DYSF: variants seen among roughly 807,000 people sequenced by gnomAD.
DYSF encodes the protein dysferlin.
A neutral mutation model predicts 274.9 loss-of-function variants in DYSF; 212 were observed. The ratio of observed to expected loss-of-function variants is 0.77; its 90% CI spans 0.69 to 0.86. The LOEUF (loss-of-function observed/expected upper bound fraction) is 0.86, where lower values mean the gene tolerates loss of function less well. Among genes scored for constraint, DYSF ranks in the 40% least tolerant of loss-of-function variants. The pLI, the probability that DYSF is intolerant of heterozygous loss-of-function variation, is 0.00. For missense variants in DYSF, 2,666 were observed against 2,783.2 expected (o/e 0.96, Z 0.95); for synonymous variants, 1,091 against 1,078.7 (o/e 1.01, Z -0.22).
intron 10 of DYSF, among the ~76,000 whole-genome samples, chr2:71,518,718 T>C (rs2086914898): frequency 6.6e-6 from 1 of 152,200 alleles, no homozygotes; most frequent in African/African-American, 2.4e-5. Context: ...TAAATTTGTA[T>C]TTTAAATATG....
chr2:71,465,655 G>A (rs1400860398), upstream of DYSF, among the ~76,000 whole-genome samples: 2 of 152,170 alleles, frequency 1.3e-5, no homozygotes, highest in Non-Finnish European at 2.9e-5. Flanking sequence ...ATAAGAGAGG[G>A]GAAAGGGAGT....
At chr2:71,563,490 G>A (rs1309518330) in intron 23 of DYSF, among the ~76,000 whole-genome samples, 1 of 152,164 alleles carries the variant, frequency 6.6e-6, no homozygotes, top group Non-Finnish European at 1.5e-5. Flanking sequence ...TGCTGGAGGG[G>A]CTTAGGGGCC....
In DYSF at chr2:71,611,316, C is replaced by G; in HGVS notation, c.4029C>G (p.Ile1343Met). 1 of 1,614,000 alleles carries G rather than the reference C, an allele frequency of 6.2e-7. No homozygotes were observed. The highest frequency in any genetic ancestry group is 8.5e-7 in the Non-Finnish European group (1 of 1,179,890). ...ACATCTACATGGTTCCTCAGAACAT[C>G]AAGCCAGCGCTCCAGCGTACCGCCA... ...EANIYMVPQN[I>M]KPALQRTAIE... is the part of the protein sequence containing the mutation. The change falls in exon 37 of 56, where the codon ATC (isoleucine) becomes ATG (methionine). Residue 1343 changes from isoleucine (I) to methionine (M), a missense_variant. Around this residue, in one of 3 missense-constraint regions of DYSF, gnomAD observed 1,460 missense variants for 1,502.1 expected, o/e 0.97. Coordinates refer to ENST00000410020, the MANE Select transcript of DYSF (RefSeq NM_001130987.2).
chr2:71,528,644 C>T (rs1447458447), intron 14 of DYSF, among the ~76,000 whole-genome samples: 1 of 152,040 alleles, frequency 6.6e-6, no homozygotes, highest in Admixed American at 6.5e-5. Flanking sequence ...GTGGATGGCC[C>T]AGGAGAGGAC....
At chr2:71,628,209 G>T (rs2094245303) in intron 41 of DYSF, among the ~76,000 whole-genome samples, 1 of 151,768 alleles carries the variant, frequency 6.6e-6, no homozygotes, top group Non-Finnish European at 1.5e-5. Flanking sequence ...TTTTAACATG[G>T]CATATTTAAC....
At chr2:71,560,668 C>T (rs2091680858) in intron 22 of DYSF, among the ~76,000 whole-genome samples, 5 of 152,192 alleles carry the variant, frequency 3.3e-5, no homozygotes, top group South Asian at 2.1e-4. Flanking sequence ...AGCGGTGTAT[C>T]TGGCGGCGGC....
At chr2:71,466,413 C>T (rs1427379657), upstream of DYSF, among the ~76,000 whole-genome samples, 1 of 152,180 alleles carries the variant, frequency 6.6e-6, no homozygotes, top group Admixed American at 6.5e-5. Context: ...GCCCGGGATC[C>T]CTGGCTGGTG....
chr2:71,619,487 T>G (rs774117989), intron 40 of DYSF, among the ~76,000 whole-genome samples: 1 of 152,146 alleles, frequency 6.6e-6, no homozygotes, highest in Non-Finnish European at 1.5e-5. Context: ...TGGGTTTCTT[T>G]GGGCATCGGG....
chr2:71,659,927 G>T (rs1456604632), intron 44 of DYSF, among the ~76,000 whole-genome samples: 12 of 152,378 alleles, frequency 7.9e-5, no homozygotes, highest in Non-Finnish European at 1.3e-4. Context: ...TTCAGGTGGT[G>T]GGCGGAGGCC....
At chr2:71,529,497 A>G (rs546647511) in intron 14 of DYSF, among the ~76,000 whole-genome samples, 1 of 152,324 alleles carries the variant, frequency 6.6e-6, no homozygotes, top group Non-Finnish European at 1.5e-5. Flanking sequence ...CAGATGAAGT[A>G]TTTCGGCAAG....
chr2:71,683,905 A>G (rs1301099530), intron 55 of DYSF, among the ~76,000 whole-genome samples: 1 of 125,124 alleles, frequency 8.0e-6, no homozygotes, highest in African/African-American at 3.2e-5. Context: ...GAGAGTTATA[A>G]CCACACAGCT....
At position 71,597,704 on chromosome 2, in the gene DYSF, G is replaced by A. The variant is rs1159628051; in HGVS notation, c.3575-860G>A. On this transcript the variant is annotated intron_variant, in intron 32 of 55. Transcript: ENST00000410020. Reference sequence around the variant, plus strand: ...AGTTGTGGCTGGGTCCCAGGGTGGCGTGGCCAAGGCTGGCAGGCTGGAAAG... The same window carrying A: ...AGTTGTGGCTGGGTCCCAGGGTGGCATGGCCAAGGCTGGCAGGCTGGAAAG... Among the ~76,000 whole-genome samples the A allele has an allele frequency of 5.9e-5, 9 of 152,174 alleles. No individual in the cohort carries two copies. In the East Asian group the frequency reaches 9.6e-4, roughly 16 times the overall value.
chr2:71,520,983 ACT>A (rs1424582363), intron 12 of DYSF, 79 bp downstream of exon 12: 6 of 1,210,420 alleles, frequency 5.0e-6, no homozygotes, highest in Non-Finnish European at 4.8e-6. Context: ...ACAAACAAAA[ACT>A]CTATTTTTTT....
chr2:71,511,988 G>T lies in DYSF; in HGVS notation c.460+67G>T, dbSNP rs542976589. On this transcript the variant is annotated intron_variant, in intron 5 of 55. Coordinates refer to ENST00000410020, the MANE Select transcript of DYSF (RefSeq NM_001130987.2). ...GCCGGCAGTGGCACTTGAGCCTGGG[G>T]GCTGGGAGCTGCAGCGAGGCTTCCC... 191 of 1,055,252 alleles carry T rather than the reference G, an allele frequency of 1.8e-4. 1 individual carries two copies. The African/African-American group carries it at 2.8e-3, about 16-fold the overall frequency. The allele number at this position is 1,055,252 out of a possible 1,614,324, so 65.4% of individuals were successfully genotyped here.
intron 22 of DYSF, among the ~76,000 whole-genome samples, chr2:71,557,174 T>G (rs2091399853): frequency 1.3e-5 from 2 of 152,164 alleles, no homozygotes; most frequent in African/African-American, 4.8e-5. Flanking sequence ...GATGGTTGGA[T>G]GCGAAAAATG....
At chr2:71,567,800 C>G in intron 24 of DYSF, 151 bp from the exon 25 acceptor site, 1 of 1,144,042 alleles carries the variant, frequency 8.7e-7, no homozygotes, top group Non-Finnish European at 1.2e-6. Flanking sequence ...CCCTTCTATG[C>G]AATTCTGGTA....
At chr2:71,566,353 CAA>C (rs773800974) in intron 24 of DYSF, among the ~76,000 whole-genome samples, 23 of 49,810 alleles carry the variant, frequency 4.6e-4, no homozygotes, top group African/African-American at 1.2e-3. Context: ...TGGTTTCAAG[CAA>C]AAAAAAAAAA....
intron 30 of DYSF, among the ~76,000 whole-genome samples, chr2:71,582,140 A>G (rs375077910): frequency 3.9e-5 from 5 of 128,492 alleles, no homozygotes; most frequent in Non-Finnish European, 6.7e-5. Context: ...AAAAGGCTTT[A>G]TTGGCACATA....
chr2:71,570,795 A>G (rs2092375276), intron 29 of DYSF, 54 bp downstream of exon 29: 2 of 1,608,722 alleles, frequency 1.2e-6, no homozygotes, highest in Admixed American at 3.3e-5. Flanking sequence ...GGTGGCCAGT[A>G]GGCACAGATG....
Sources: allele counts gnomAD v4.1 joint callset (sites outside exome capture counted in the v4.1 genomes callset), GRCh38; gene constraint gnomAD v4.1.1; regional missense constraint gnomAD v4.1.1; transcripts MANE v1.5; gene names NCBI Gene and HGNC (gene_info 2026-07-23, HGNC 2026-07-21).